Variants in STXBP5 observed in about 807,000 individuals in gnomAD.
STXBP5 encodes syntaxin-binding protein 5.
In STXBP5, 50 loss-of-function variants were observed where a neutral mutation model predicts 152.4. That is an observed-to-expected ratio of 0.33 (90% CI 0.26 to 0.42). The LOEUF is 0.42. STXBP5 is among the 10% of genes least tolerant of loss of function. STXBP5 has a pLI of 1.00. For synonymous variants in STXBP5, 492 were observed against 494.7 expected (o/e 0.99, Z 0.07); for missense variants, 1,167 against 1,388.6 (o/e 0.84, Z 2.54).
At chr6:147,319,216 T>G (rs1782791036) in intron 16 of STXBP5, among the ~76,000 whole-genome samples, 1 of 152,140 alleles carries the variant, frequency 6.6e-6, no homozygotes, top group Non-Finnish European at 1.5e-5. Flanking sequence ...TTAAAACTCT[T>G]TTATTTTTCA....
chr6:147,315,724 G>A lies in STXBP5; in HGVS notation c.1612G>A (p.Glu538Lys), dbSNP rs201030346. 4.4e-4 allele frequency: 709 copies of A among 1,612,650 alleles called. 3 individuals are homozygous for A. The highest frequency in any genetic ancestry group is 5.3e-5 in the Non-Finnish European group (62 of 1,178,950). ...YRFSKQEVIT[E>K]VIPMLEVRLL... ...ATTCAGCAAGCAGGAAGTAATCACA[G>A]AAGTCATTCCGGTAATAACGTCTTA... Residue 538 changes from glutamate (E) to lysine (K), a missense_variant, in exon 15 of 28, where the codon GAA becomes AAA. By Grantham distance (56) the Glu-to-Lys change is moderately conservative. Coordinates refer to ENST00000321680, the MANE Select transcript of STXBP5 (RefSeq NM_001127715.4).
At chr6:147,278,913 C>T (rs1272184940) in intron 8 of STXBP5, among the ~76,000 whole-genome samples, 1 of 152,124 alleles carries the variant, frequency 6.6e-6, no homozygotes, top group South Asian at 2.1e-4. Flanking sequence ...GCCTTGGAGT[C>T]CAGGGTTTTT....
chr6:147,206,201 GT>G (rs1384235903), intron 2 of STXBP5, 133 bp downstream of exon 2: 2 of 695,614 alleles, frequency 2.9e-6, no homozygotes, highest in Admixed American at 3.0e-5. Flanking sequence ...GAAATCATGT[GT>G]TGGCTTTTCC....
chr6:147,352,550 G>C (rs990320039), intron 21 of STXBP5, among the ~76,000 whole-genome samples: 13 of 151,940 alleles, frequency 8.6e-5, no homozygotes, highest in African/African-American at 3.1e-4. Flanking sequence ...GGCGGAGGCT[G>C]CAGTGAACCG....
chr6:147,228,641 T>G (rs1777851763), intron 2 of STXBP5, among the ~76,000 whole-genome samples: 1 of 152,098 alleles, frequency 6.6e-6, no homozygotes. Context: ...ATTGCTTACT[T>G]TTTCTTTTAT....
intron 21 of STXBP5, among the ~76,000 whole-genome samples, chr6:147,352,722 C>T (rs1179741226): frequency 1.3e-5 from 2 of 152,222 alleles, no homozygotes; most frequent in Non-Finnish European, 2.9e-5. Context: ...ATCTGCAACA[C>T]CTTTCTTCTG....
chr6:147,218,224 G>C (rs990714863), intron 2 of STXBP5, among the ~76,000 whole-genome samples: 1 of 152,070 alleles, frequency 6.6e-6, no homozygotes, highest in East Asian at 1.9e-4. Flanking sequence ...TTATGATAGG[G>C]CTCATTCTTT....
intron 2 of STXBP5, among the ~76,000 whole-genome samples, chr6:147,213,430 ATATATGTGTGTGTGTG>A (rs1340940680): frequency 4.4e-4 from 30 of 68,402 alleles, no homozygotes; most frequent in African/African-American, 1.4e-3. Context: ...ACATAATTTT[ATATATGTGTGTGTGTG>A]TGTGTGTGTG....
At chr6:147,232,380 C>T (rs1030243604) in intron 2 of STXBP5, among the ~76,000 whole-genome samples, 3 of 151,760 alleles carry the variant, frequency 2.0e-5, no homozygotes, top group Non-Finnish European at 3.0e-5. Flanking sequence ...GAACTACTTG[C>T]TCTGAAATTT....
intron 7 of STXBP5, among the ~76,000 whole-genome samples, chr6:147,277,843 C>T (rs537233229): frequency 3.3e-5 from 5 of 152,152 alleles, no homozygotes; most frequent in African/African-American, 1.2e-4. Flanking sequence ...ACTATCATGC[C>T]TTCTTTATGC....
intron 7 of STXBP5, among the ~76,000 whole-genome samples, chr6:147,268,570 A>G (rs960419505): frequency 9.2e-5 from 14 of 152,330 alleles, no homozygotes; most frequent in Middle Eastern, 3.4e-3. Flanking sequence ...GCTGCTCACT[A>G]GTCAGGATCT....
intron 3 of STXBP5, 28 bp from the exon 4 acceptor site, chr6:147,239,142 A>T: frequency 6.3e-7 from 1 of 1,578,894 alleles, no homozygotes; most frequent in Non-Finnish European, 8.7e-7. Flanking sequence ...TATATTATAC[A>T]TGAAATGTGT....
chr6:147,318,221 T>G (rs1377835385), intron 16 of STXBP5, among the ~76,000 whole-genome samples: 1 of 152,172 alleles, frequency 6.6e-6, no homozygotes, highest in African/African-American at 2.4e-5. Flanking sequence ...GAAATAGTAC[T>G]GACAGGAGAA....
intron 8 of STXBP5, among the ~76,000 whole-genome samples, chr6:147,287,360 G>A (rs1235686613): frequency 2.0e-5 from 3 of 150,676 alleles, no homozygotes; most frequent in African/African-American, 7.3e-5. Context: ...CCGCCACTAC[G>A]CCCGGCTAAT....
intron 24 of STXBP5, 124 bp downstream of exon 24, chr6:147,363,828 A>G: frequency 7.0e-7 from 1 of 1,424,270 alleles, no homozygotes; most frequent in South Asian, 1.4e-5. Flanking sequence ...ATTTATTTTT[A>G]TTCTGTTAAT....
intron 21 of STXBP5, among the ~76,000 whole-genome samples, chr6:147,350,236 C>T (rs978075730): frequency 6.6e-6 from 1 of 151,722 alleles, no homozygotes; most frequent in African/African-American, 2.4e-5. Context: ...TAAAATAGTA[C>T]TAGAAAAAAA....
At chr6:147,257,181 GAATCCCCTCAGTGTGCCACTA>G (rs1177564422) in intron 4 of STXBP5, among the ~76,000 whole-genome samples, 1 of 150,854 alleles carries the variant, frequency 6.6e-6, no homozygotes, top group Non-Finnish European at 1.5e-5. Context: ...TATTCTACAA[GAATCCCCTCAGTGTGCCACTA>G]AATACAACTT....
chr6:147,331,784 A>C (rs911888679), intron 18 of STXBP5, among the ~76,000 whole-genome samples: 3 of 148,826 alleles, frequency 2.0e-5, no homozygotes, highest in African/African-American at 7.4e-5. Context: ...GTCCTAAAGC[A>C]TGCAGAGCTT....
intron 22 of STXBP5, among the ~76,000 whole-genome samples, chr6:147,356,539 T>G (rs1350620530): frequency 6.6e-6 from 1 of 151,860 alleles, no homozygotes; most frequent in East Asian, 1.9e-4. Context: ...AGTAGTTCTT[T>G]TCTACCGTAT....
Sources: gnomAD v4.1 joint callset for allele counts (sites outside exome capture counted in the v4.1 genomes callset) on GRCh38, gnomAD v4.1.1 for gene constraint, MANE v1.5 for transcripts, NCBI Gene and HGNC (gene_info 2026-07-23, HGNC 2026-07-21) for gene names.